The following SPIDR variants were observed in gnomAD, a reference collection of about 807,000 sequenced individuals.
The protein encoded by SPIDR is DNA repair-scaffolding protein.
Under a neutral mutation model 104.6 loss-of-function variants are expected in SPIDR, and 93 were observed. That is an observed-to-expected ratio of 0.89 (90% confidence interval 0.75 to 1.06). The LOEUF (loss-of-function observed/expected upper bound fraction) is 1.06. SPIDR is among the 50% of genes least tolerant of loss of function. The pLI is 0.00. For synonymous variants in SPIDR, 431 were observed against 416.9 expected (o/e 1.03, Z -0.41); for missense variants, 1,154 against 1,111.2 (o/e 1.04, Z -0.55).
chr8:47,673,530 C>A, intron 10 of SPIDR: 1 of 535,658 alleles, frequency 1.9e-6, no homozygotes, highest in Admixed American at 2.3e-5. Flanking sequence ...TAGTTTCATG[C>A]CTGTGGATGG....
intron 10 of SPIDR, among the ~76,000 whole-genome samples, chr8:47,613,404 C>T (rs540814902): frequency 6.6e-6 from 1 of 152,196 alleles, no homozygotes; most frequent in South Asian, 2.1e-4. Context: ...AGTTTATGGA[C>T]ATTTGTGTTG....
intron 18 of SPIDR, 81 bp downstream of exon 18, chr8:47,729,128 C>T (rs755316980): frequency 3.2e-6 from 5 of 1,565,782 alleles, no homozygotes; most frequent in South Asian, 2.3e-5. Flanking sequence ...AGCAGGTGCA[C>T]GTCCTCCTGT....
At chr8:47,665,946 A>G (rs187369821) in intron 10 of SPIDR, among the ~76,000 whole-genome samples, 2 of 152,336 alleles carry the variant, frequency 1.3e-5, no homozygotes, top group African/African-American at 2.4e-5. Context: ...GCATTTTTTT[A>G]TAGAACATAA....
intron 8 of SPIDR, among the ~76,000 whole-genome samples, chr8:47,451,741 A>G (rs1554706156): frequency 6.6e-6 from 1 of 152,160 alleles, no homozygotes; most frequent in Non-Finnish European, 1.5e-5. Flanking sequence ...CCTGTGGGAC[A>G]CTATCAAATG....
intron 5 of SPIDR, among the ~76,000 whole-genome samples, chr8:47,345,503 G>C (rs762727448): frequency 6.6e-6 from 1 of 152,160 alleles, no homozygotes; most frequent in African/African-American, 2.4e-5. Flanking sequence ...TGTGAAGAAA[G>C]TCATTGGTAG....
chr8:47,393,423 T>G (rs1313169554), intron 5 of SPIDR, among the ~76,000 whole-genome samples: 1 of 152,132 alleles, frequency 6.6e-6, no homozygotes, highest in Non-Finnish European at 1.5e-5. Flanking sequence ...ATTCAAATGT[T>G]GTTCGAATGG....
chr8:47,488,072 T>A (rs1224676375), intron 8 of SPIDR, among the ~76,000 whole-genome samples: 1 of 152,062 alleles, frequency 6.6e-6, no homozygotes, highest in Non-Finnish European at 1.5e-5. Flanking sequence ...CACGAGCTGG[T>A]TTTTTGAAAG....
intron 6 of SPIDR, among the ~76,000 whole-genome samples, chr8:47,405,590 C>T (rs1588273456): frequency 6.6e-6 from 1 of 151,912 alleles, no homozygotes. Context: ...AAATTGATAC[C>T]AGTCATCTTT....
In SPIDR at chr8:47,720,426, G is replaced by A. The variant is rs146378028; in HGVS notation, c.2342-6774G>A. 7.2e-5 allele frequency among the ~76,000 whole-genome samples: 11 copies of A among 152,282 alleles called. No individual in the cohort carries two copies. In the East Asian group the frequency reaches 2.1e-3, roughly 29 times the overall value. On this transcript the variant is annotated intron_variant, in intron 16 of 19. Coordinates refer to ENST00000297423, the MANE Select transcript of SPIDR (RefSeq NM_001080394.4). ...CTTCCAAAGTTGGCTGTATCATTTT[G>A]CATTCCCACCAGCAATGAATAAGAG...
chr8:47,304,864 GCCCT>G (rs2042857251), intron 5 of SPIDR, among the ~76,000 whole-genome samples: 1 of 152,232 alleles, frequency 6.6e-6, no homozygotes, highest in Admixed American at 6.5e-5. Context: ...TGAGGGCCTT[GCCCT>G]CATGAATAGA....
intron 8 of SPIDR, among the ~76,000 whole-genome samples, chr8:47,508,514 C>G (rs995771854): frequency 2.6e-5 from 4 of 152,212 alleles, no homozygotes; most frequent in African/African-American, 9.6e-5. Context: ...CTGAACCTTT[C>G]AAATCTTTGA....
intron 5 of SPIDR, among the ~76,000 whole-genome samples, chr8:47,372,320 C>T (rs1563771233): frequency 1.3e-5 from 2 of 152,198 alleles, no homozygotes; most frequent in African/African-American, 2.4e-5. Flanking sequence ...CTTATCTTTG[C>T]ATAGCCGGTG....
intron 8 of SPIDR, among the ~76,000 whole-genome samples, chr8:47,482,616 G>A (rs1248322986): frequency 6.6e-6 from 1 of 152,180 alleles, no homozygotes; most frequent in Non-Finnish European, 1.5e-5. Context: ...AATGACAAGC[G>A]AGGCAACTGC....
intron 7 of SPIDR, among the ~76,000 whole-genome samples, chr8:47,435,159 A>G (rs2068059494): frequency 6.6e-6 from 1 of 151,864 alleles, no homozygotes; most frequent in Non-Finnish European, 1.5e-5. Flanking sequence ...TGCCTGACTC[A>G]TTTTTATATT....
At chr8:47,440,246 T>C (rs2069150646) in intron 7 of SPIDR, 77 bp from the exon 8 acceptor site, 1 of 1,334,524 alleles carries the variant, frequency 7.5e-7, no homozygotes, top group Admixed American at 2.0e-5. Context: ...GGATCTTTTT[T>C]TCATGACACT....
chr8:47,316,366 T>C (rs1438858947), intron 5 of SPIDR, among the ~76,000 whole-genome samples: 3 of 152,232 alleles, frequency 2.0e-5, no homozygotes, highest in Non-Finnish European at 4.4e-5. Context: ...TTAGCAATTC[T>C]ACTCCTAGTT....
chr8:47,533,922 A>G (rs1344060384), intron 8 of SPIDR, among the ~76,000 whole-genome samples: 5 of 152,126 alleles, frequency 3.3e-5, no homozygotes, highest in Admixed American at 3.3e-4. Flanking sequence ...ACTGGGTGAT[A>G]AGGTTTGGCT....
chr8:47,561,678 T>A (rs1323242917), intron 8 of SPIDR, among the ~76,000 whole-genome samples: 1 of 152,110 alleles, frequency 6.6e-6, no homozygotes, highest in Non-Finnish European at 1.5e-5. Context: ...CCTGGGATCC[T>A]CCCCCATCTC....
At chr8:47,518,737 C>T (rs970381843) in intron 8 of SPIDR, among the ~76,000 whole-genome samples, 14 of 151,058 alleles carry the variant, frequency 9.3e-5, no homozygotes, top group Non-Finnish European at 1.5e-4. Flanking sequence ...CCCGAGTTCA[C>T]GCCATTCTCC....
Sources: gnomAD v4.1 joint callset for allele counts (sites outside exome capture counted in the v4.1 genomes callset) on GRCh38, gnomAD v4.1.1 for gene constraint, MANE v1.5 for transcripts, NCBI Gene and HGNC (gene_info 2026-07-23, HGNC 2026-07-21) for gene names.